Variants in CACNG2 observed in about 807,000 individuals in gnomAD.
CACNG2 encodes voltage-dependent calcium channel gamma-2 subunit.
A neutral mutation model predicts 25.9 loss-of-function variants in CACNG2; 3 were observed. The ratio of observed to expected loss-of-function variants is 0.12; its 90% CI spans 0.05 to 0.30. The LOEUF (loss-of-function observed/expected upper bound fraction) is 0.30. Among genes scored for constraint, CACNG2 ranks in the 10% least tolerant of loss-of-function variants. The pLI, the probability that CACNG2 is intolerant of heterozygous loss-of-function variation, is 1.00. For synonymous variants in CACNG2, 167 were observed against 173.3 expected, an observed-to-expected ratio of 0.96 and a Z score of 0.29; for missense variants, 341 against 432.5, an observed-to-expected ratio of 0.79 and a Z score of 1.88.
In CACNG2 at chr22:36,564,818, A is replaced by C; in HGVS notation, c.505T>G (p.Ser169Ala). 6.2e-7 allele frequency: 1 copy of C among 1,613,878 alleles called. No individual in the cohort carries two copies. Among genetic ancestry groups the C allele is most frequent in the East Asian group, 2.2e-5 (1 of 44,858 alleles). The change falls in exon 4 of 4, where the codon TCC (serine) becomes GCC (alanine). Residue 169 changes from serine to alanine, a missense_variant. Ser to Ala is a moderately conservative substitution (Grantham distance 99). Coordinates refer to ENST00000300105, the MANE Select transcript of CACNG2 (RefSeq NM_006078.5). The surrounding 1 kb of genome is among the most constrained non-coding windows in gnomAD (Gnocchi z 6.7). ...CCGTATGAGTAACTATTCTTTTTGG[A>C]GTCGCTCTTGGAGGGGTCTCCGGCA... ...ANAGDPSKSDSKKNSYSYGWS... is the reference protein window; with the variant it reads ...ANAGDPSKSDAKKNSYSYGWS...
chr22:36,634,126 C>T (rs2145960683), intron 1 of CACNG2, among the ~76,000 whole-genome samples: 1 of 152,288 alleles, frequency 6.6e-6, no homozygotes, highest in East Asian at 1.9e-4. Context: ...CATCTCTGGG[C>T]TTTGCTTTCT....
chr22:36,645,755 T>C (rs1936513818), intron 1 of CACNG2, among the ~76,000 whole-genome samples: 1 of 152,202 alleles, frequency 6.6e-6, no homozygotes, highest in Non-Finnish European at 1.5e-5. Flanking sequence ...AATCTCATAA[T>C]GGGAAATGCA....
At chr22:36,612,899 A>G (rs1158009647) in intron 1 of CACNG2, among the ~76,000 whole-genome samples, 2 of 152,128 alleles carry the variant, frequency 1.3e-5, no homozygotes, top group Non-Finnish European at 2.9e-5. Context: ...CATCCATTAG[A>G]CACATCCTTT....
At chr22:36,577,420 G>A (rs367965165) in intron 2 of CACNG2, among the ~76,000 whole-genome samples, 1 of 152,070 alleles carries the variant, frequency 6.6e-6, no homozygotes, top group East Asian at 1.9e-4. Context: ...GGGAGGCCGA[G>A]GCGGGTGGAT....
At chr22:36,623,012 G>GTTTT (rs1260485985) in intron 1 of CACNG2, among the ~76,000 whole-genome samples, 7 of 45,712 alleles carry the variant, frequency 1.5e-4, no homozygotes, top group East Asian at 1.3e-3. Context: ...CAAAACATGG[G>GTTTT]TTTTTTTTTT....
intron 1 of CACNG2, among the ~76,000 whole-genome samples, chr22:36,660,654 C>A (rs986484874): frequency 2.0e-5 from 3 of 152,210 alleles, no homozygotes; most frequent in Non-Finnish European, 4.4e-5. Context: ...GCGGGCGGGG[C>A]GGGGCAGCGT....
chr22:36,594,639 AGAAGTCAGCCTGAT>A (rs1935644800), intron 1 of CACNG2, among the ~76,000 whole-genome samples: 1 of 152,098 alleles, frequency 6.6e-6, no homozygotes, highest in South Asian at 2.1e-4. Flanking sequence ...CACAAAGTGG[AGAAGTCAGCCTGAT>A]GAAGCAGGGA....
At position 36,564,909 on chromosome 22, in the gene CACNG2, G is replaced by A. The variant is rs1935101141; in HGVS notation, c.437-23C>T. 1.2e-6 allele frequency: 2 copies of A among 1,603,816 alleles called. No individual in the cohort carries two copies. Among genetic ancestry groups the A allele is most frequent in the Admixed American group, 3.3e-5 (2 of 60,004 alleles). ...GACCTGCGGGGCGCAGGGTGGCGGG[G>A]TGGGGGATCAGAGAGAAGGACGTTA... is the stretch of plus-strand genomic sequence containing the variant. On this transcript the variant is annotated intron_variant, in intron 3 of 3. Transcript: ENST00000300105. This position sits in a 1 kb window ranked among gnomAD's most constrained non-coding sequence, Gnocchi z 6.7.
chr22:36,566,565 G>A (rs976570071), intron 2 of CACNG2, 72 bp from the exon 3 acceptor site: 7 of 1,551,488 alleles, frequency 4.5e-6, no homozygotes, highest in Non-Finnish European at 5.3e-6. Flanking sequence ...GAGGCAGGTG[G>A]GAGAGCAGCC....
chr22:36,596,281 G>C (rs1000417260), intron 1 of CACNG2, among the ~76,000 whole-genome samples: 1 of 152,164 alleles, frequency 6.6e-6, no homozygotes, highest in East Asian at 1.9e-4. Flanking sequence ...CCTCCCTGAC[G>C]GCAGGGATTC....
At chr22:36,625,525 C>T (rs1368017231) in intron 1 of CACNG2, among the ~76,000 whole-genome samples, 1 of 152,166 alleles carries the variant, frequency 6.6e-6, no homozygotes, top group Non-Finnish European at 1.5e-5. Context: ...TAAGTATTGT[C>T]CAGCGAATGA....
At chr22:36,575,714 C>A (rs953031220) in intron 2 of CACNG2, among the ~76,000 whole-genome samples, 3 of 152,164 alleles carry the variant, frequency 2.0e-5, no homozygotes, top group African/African-American at 7.2e-5. Context: ...CCCATCAAGA[C>A]CTCTCCCCAG....
At chr22:36,699,237 TCACACACACACACACACA>T (rs3076293) in intron 1 of CACNG2, among the ~76,000 whole-genome samples, 1 of 141,904 alleles carries the variant, frequency 7.0e-6, no homozygotes, top group South Asian at 2.3e-4. Context: ...GATTTCAAGT[TCACACACACACACACACA>T]CACACACACA....
At chr22:36,581,884 G>A (rs1056587341) in intron 2 of CACNG2, among the ~76,000 whole-genome samples, 9 of 152,294 alleles carry the variant, frequency 5.9e-5, no homozygotes, top group African/African-American at 2.2e-4. Flanking sequence ...AGTCCCACAG[G>A]CATCTCTAAC....
At chr22:36,690,354 CT>C (rs34225950) in intron 1 of CACNG2, among the ~76,000 whole-genome samples, 46,745 of 97,300 alleles carry the variant, frequency 0.48, 7,399 homozygotes, top group Admixed American at 0.54. Context: ...TTACAAAAAT[CT>C]TTTTTTTTCC....
intron 1 of CACNG2, among the ~76,000 whole-genome samples, chr22:36,632,212 G>A (rs5756274): frequency 5.9e-5 from 9 of 151,520 alleles, no homozygotes; most frequent in East Asian, 1.9e-4. Flanking sequence ...ATTTTATGTC[G>A]GCTGCCCCAG....
chr22:36,594,368 C>A (rs1935640543), intron 1 of CACNG2, among the ~76,000 whole-genome samples: 1 of 152,212 alleles, frequency 6.6e-6, no homozygotes, highest in Non-Finnish European at 1.5e-5. Context: ...CACAATTGTT[C>A]AGCTATCATT....
At position 36,564,615 on chromosome 22, in the gene CACNG2, G is replaced by C; in HGVS notation, c.708C>G (p.Arg236=). 6.2e-7 allele frequency: 1 copy of C among 1,613,968 alleles called. No homozygotes were observed. The highest frequency in any genetic ancestry group is 1.1e-5 in the South Asian group (1 of 91,072). Residue 236 remains arginine, a synonymous_variant, in exon 4 of 4, where the codon CGC becomes CGG. Transcript: ENST00000300105. This position sits in a 1 kb window ranked among gnomAD's most constrained non-coding sequence, Gnocchi z 6.7. ...CCGTGGAGCGCGAGCTGGAGCGGCT[G>C]CGGCGCTGGTAGCGGTAGCGGTAGC... ...IPSYRYRYQR[R]SRSSSRSTEP...
intron 1 of CACNG2, among the ~76,000 whole-genome samples, chr22:36,661,359 G>C (rs1046308092): frequency 2.0e-5 from 3 of 152,172 alleles, no homozygotes; most frequent in Admixed American, 6.5e-5. Context: ...ACGGTGAAGT[G>C]GGAGAAGTGT....
Sources: allele counts gnomAD v4.1 joint callset (sites outside exome capture counted in the v4.1 genomes callset), GRCh38; gene constraint gnomAD v4.1.1; non-coding constraint Gnocchi (gnomAD v3.1); transcripts MANE v1.5; gene names NCBI Gene and HGNC (gene_info 2026-07-23, HGNC 2026-07-21).